Variants in RASEF observed in about 807,000 individuals in gnomAD.
RASEF encodes the protein ras and EF-hand domain-containing protein.
RASEF carries 68 observed loss-of-function variants against 90.1 expected under a neutral mutation model. That is an observed-to-expected ratio of 0.75 (90% CI 0.62 to 0.92). The LOEUF is 0.92. RASEF is among the 40% of genes least tolerant of loss of function. RASEF has a pLI of 0.00. For synonymous variants in RASEF, 331 were observed against 345.2 expected (o/e 0.96, Z 0.46); for missense variants, 949 against 937.2 (o/e 1.01, Z -0.16).
chr9:83,178,540 TG>T, the RASEF span, among the ~76,000 whole-genome samples: 1 of 152,148 alleles, frequency 6.6e-6, no homozygotes, highest in African/African-American at 2.4e-5. Context: ...CACTGCTATG[TG>T]TGTCTTCTAA....
the RASEF span, among the ~76,000 whole-genome samples, chr9:83,144,395 A>AGGAAG: frequency 1.7e-5 from 2 of 120,046 alleles, no homozygotes; most frequent in Non-Finnish European, 1.9e-5. Context: ...AAGAAAGGAA[A>AGGAAG]GAAAGAAAGA....
the RASEF span, among the ~76,000 whole-genome samples, chr9:83,149,249 G>T: frequency 4.6e-5 from 7 of 152,182 alleles, no homozygotes; most frequent in Non-Finnish European, 7.3e-5. Flanking sequence ...TACAGATATT[G>T]TGCCTGTCCT....
the RASEF span, among the ~76,000 whole-genome samples, chr9:83,166,990 T>C: frequency 1.3e-5 from 2 of 152,186 alleles, 1 homozygote; most frequent in South Asian, 4.1e-4. Context: ...GGTTCCAGAC[T>C]CTTTGAGGTG....
At chr9:83,089,941 G>GATAC in the RASEF span, among the ~76,000 whole-genome samples, 2,862 of 137,238 alleles carry the variant, frequency 0.021, 63 homozygotes, top group Non-Finnish European at 0.03. Flanking sequence ...TAGATAGATA[G>GATAC]ATAGATATAG....
the RASEF span, among the ~76,000 whole-genome samples, chr9:83,161,317 C>T: frequency 6.6e-6 from 1 of 152,214 alleles, no homozygotes; most frequent in African/African-American, 2.4e-5. Context: ...TGGGAACCCA[C>T]CTCTCGGATC....
In RASEF at chr9:83,062,606, G is replaced by C. The variant is rs775643374; in HGVS notation, c.262C>G (p.Pro88Ala). The C allele has an allele frequency of 2.6e-6, 4 of 1,564,676 alleles. No individual in the cohort carries two copies. The highest frequency in any genetic ancestry group is 1.9e-5 in the Admixed American group (1 of 53,814). The part of the protein sequence containing the change: ...GRRRDWGPLD[P>A]APAVSEAGPE... ...CCCGCCTCAGACACGGCGGGCGCGG[G>C]ATCCAGAGGACCCCAGTCCCGGCGC... Residue 88 changes from proline to alanine, a missense_variant, in exon 1 of 17, where the codon CCC (proline) becomes GCC (alanine). Physicochemically the swap from Pro to Ala is conservative, Grantham distance 27. This residue lies in a region of RASEF where 656 missense variants were observed against 592.2 expected (regional missense o/e 1.11). Coordinates refer to ENST00000376447, the MANE Select transcript of RASEF (RefSeq NM_152573.4).
chr9:83,106,536 G>A, the RASEF span, among the ~76,000 whole-genome samples: 1 of 152,140 alleles, frequency 6.6e-6, no homozygotes, highest in African/African-American at 2.4e-5. Flanking sequence ...ACCATCCTGG[G>A]TGACTTCAAT....
chr9:83,095,526 C>T, the RASEF span, among the ~76,000 whole-genome samples: 3 of 150,018 alleles, frequency 2.0e-5, no homozygotes, highest in Admixed American at 6.7e-5. Context: ...AATGGATTTC[C>T]TATAAATGAA....
the RASEF span, among the ~76,000 whole-genome samples, chr9:83,123,027 T>C: frequency 6.5e-3 from 986 of 151,550 alleles, 18 homozygotes; most frequent in African/African-American, 0.023. Flanking sequence ...ATCACCTGAG[T>C]CAGGAGTTCG....
the RASEF span, among the ~76,000 whole-genome samples, chr9:83,196,705 C>T: frequency 6.6e-6 from 1 of 152,214 alleles, no homozygotes; most frequent in Non-Finnish European, 1.5e-5. Flanking sequence ...CTCTCCTTGT[C>T]TGACTGTCTG....
At chr9:83,162,319 GT>G in the RASEF span, among the ~76,000 whole-genome samples, 4 of 152,038 alleles carry the variant, frequency 2.6e-5, no homozygotes, top group Non-Finnish European at 4.4e-5. Context: ...TTAAAAAGAA[GT>G]TCACATAAAA....
chr9:83,013,396 T>C lies in RASEF; in HGVS notation c.766-885A>G, dbSNP rs184845517. On this transcript the variant is annotated intron_variant, in intron 4 of 16. Coordinates refer to ENST00000376447, the MANE Select transcript of RASEF (RefSeq NM_152573.4). ...TGCCAGATGCTATAAAGGGATAGTG[T>C]TTACATAACAACGTCATGACTGCCA... 3.1e-3 allele frequency among the ~76,000 whole-genome samples: 477 copies of C among 152,312 alleles called. 5 individuals carry two copies. The highest frequency in any genetic ancestry group is 0.02 in the Middle Eastern group (6 of 294).
intron 7 of RASEF, among the ~76,000 whole-genome samples, chr9:83,006,769 T>C (rs1044573343): frequency 6.6e-6 from 1 of 152,094 alleles, no homozygotes; most frequent in Non-Finnish European, 1.5e-5. Context: ...GGCAGAACCC[T>C]GTGGCCCCAC....
chr9:83,205,512 A>G, the RASEF span, among the ~76,000 whole-genome samples: 7 of 151,938 alleles, frequency 4.6e-5, no homozygotes, highest in Admixed American at 2.0e-4. Context: ...TCACCTGTTG[A>G]ACTCCTAGCC....
the RASEF span, among the ~76,000 whole-genome samples, chr9:83,149,555 A>G: frequency 6.6e-6 from 1 of 152,102 alleles, no homozygotes; most frequent in Non-Finnish European, 1.5e-5. Context: ...GGGAGGAGTG[A>G]CCCAAGATGA....
intron 1 of RASEF, among the ~76,000 whole-genome samples, chr9:83,036,259 CAG>C (rs1289628045): frequency 7.9e-5 from 12 of 152,332 alleles, no homozygotes; most frequent in Admixed American, 5.9e-4. Context: ...CTTCAGGACT[CAG>C]ATGGTGGTGG....
chr9:83,102,015 T>C, the RASEF span, among the ~76,000 whole-genome samples: 1 of 152,044 alleles, frequency 6.6e-6, no homozygotes, highest in East Asian at 1.9e-4. Context: ...TTGGGACTAT[T>C]TTAAACAGTG....
intron 9 of RASEF, among the ~76,000 whole-genome samples, chr9:83,002,600 CCTT>C (rs1329552695): frequency 3.3e-5 from 5 of 151,484 alleles, no homozygotes; most frequent in African/African-American, 1.2e-4. Flanking sequence ...ATAAAACTCT[CCTT>C]CTGAAACTGA....
the RASEF span, among the ~76,000 whole-genome samples, chr9:83,103,223 TA>T: frequency 3.9e-5 from 6 of 152,226 alleles, no homozygotes; most frequent in Non-Finnish European, 8.8e-5. Flanking sequence ...CATCATTCAG[TA>T]GTCCCTGAGA....
Sources: gnomAD v4.1 joint callset for allele counts (sites outside exome capture counted in the v4.1 genomes callset) on GRCh38, gnomAD v4.1.1 for gene constraint, gnomAD v4.1.1 regional missense constraint, MANE v1.5 for transcripts, NCBI Gene and HGNC (gene_info 2026-07-23, HGNC 2026-07-21) for gene names.